DOCK10: variants seen among roughly 807,000 people sequenced by gnomAD.
DOCK10 encodes dedicator of cytokinesis 10.
A neutral mutation model predicts 280.1 loss-of-function variants in DOCK10; 145 were observed. The observed-to-expected ratio is 0.52, with a 90% CI of 0.45 to 0.59. DOCK10 has a LOEUF of 0.59. Ranked by LOEUF, DOCK10 falls within the 20% of genes least tolerant of loss-of-function variation. The pLI is 0.00. For synonymous variants in DOCK10, 915 were observed against 942.2 expected (o/e 0.97, Z 0.53); for missense variants, 2,368 against 2,651.7 (o/e 0.89, Z 2.35).
At chr2:224,937,250 A>G (rs981876733) in intron 1 of DOCK10, among the ~76,000 whole-genome samples, 1 of 152,326 alleles carries the variant, frequency 6.6e-6, no homozygotes, top group African/African-American at 2.4e-5. Flanking sequence ...CGTAACTTTG[A>G]CAAGTCATTT....
At chr2:224,961,287 A>G (rs1469526992) in intron 1 of DOCK10, among the ~76,000 whole-genome samples, 1 of 152,052 alleles carries the variant, frequency 6.6e-6, no homozygotes, top group Non-Finnish European at 1.5e-5. Flanking sequence ...AGCTAAACTG[A>G]CCTTCTCACT....
intron 4 of DOCK10, among the ~76,000 whole-genome samples, chr2:224,886,746 A>C (rs997764833): frequency 6.6e-6 from 1 of 152,140 alleles, no homozygotes; most frequent in Non-Finnish European, 1.5e-5. Context: ...ATTTTAAACC[A>C]TGGAGTTACT....
intron 45 of DOCK10, among the ~76,000 whole-genome samples, chr2:224,794,241 A>T (rs544042518): frequency 7.9e-5 from 12 of 152,354 alleles, no homozygotes; most frequent in African/African-American, 2.9e-4. Flanking sequence ...ATCCTAGACA[A>T]ATTAATCTCT....
intron 1 of DOCK10, among the ~76,000 whole-genome samples, chr2:225,019,154 C>T (rs1365110341): frequency 2.0e-5 from 3 of 151,980 alleles, no homozygotes; most frequent in Non-Finnish European, 4.4e-5. Flanking sequence ...TGGGTTGGGT[C>T]GCAGTGGAGA....
At chr2:224,973,056 A>G (rs1435569075) in intron 1 of DOCK10, among the ~76,000 whole-genome samples, 2 of 152,196 alleles carry the variant, frequency 1.3e-5, no homozygotes, top group East Asian at 1.9e-4. Flanking sequence ...TCTTTTTTCT[A>G]TAACAATTCT....
intron 11 of DOCK10, among the ~76,000 whole-genome samples, chr2:224,865,541 G>A (rs771184548): frequency 6.6e-6 from 1 of 152,100 alleles, no homozygotes; most frequent in Non-Finnish European, 1.5e-5. Flanking sequence ...TTTATTACGT[G>A]TTTGCCACTG....
intron 31 of DOCK10, among the ~76,000 whole-genome samples, chr2:224,812,112 C>T (rs1447368888): frequency 2.6e-5 from 4 of 152,104 alleles, no homozygotes; most frequent in African/African-American, 9.7e-5. Context: ...TTCTTCCTAC[C>T]CATGAGCATG....
At chr2:225,040,711 C>T (rs1690396784) in intron 1 of DOCK10, among the ~76,000 whole-genome samples, 1 of 152,048 alleles carries the variant, frequency 6.6e-6, no homozygotes, top group African/African-American at 2.4e-5. Context: ...TCCAATGAGT[C>T]AATTGCAAAA....
chr2:224,968,956 CAGA>C (rs1259707688), intron 1 of DOCK10, among the ~76,000 whole-genome samples: 1 of 152,178 alleles, frequency 6.6e-6, no homozygotes, highest in African/African-American at 2.4e-5. Context: ...CAAACAGAGG[CAGA>C]AGATTGGGAA....
intron 53 of DOCK10, 53 bp downstream of exon 53, chr2:224,773,104 A>C: frequency 2.0e-6 from 3 of 1,482,706 alleles, no homozygotes; most frequent in African/African-American, 2.8e-5. Context: ...AGGGCATTTT[A>C]CACCTGGTTT....
In DOCK10 at chr2:224,901,822, G is replaced by A. The variant is rs778059910; in HGVS notation, c.334-5445C>T. 8.5e-5 allele frequency among the ~76,000 whole-genome samples: 13 copies of A among 152,354 alleles called. No individual in the cohort carries two copies. The South Asian group carries it at 1.0e-3, about 12-fold the overall frequency. On this transcript the variant is annotated intron_variant, in intron 3 of 55. Coordinates refer to ENST00000258390, the MANE Select transcript of DOCK10 (RefSeq NM_014689.3). The stretch of plus-strand genomic sequence containing the variant: ...GTCCAGTCCTTGTCTGACCATGAAC[G>A]GAGAGCCTTGGGGTCCTAGTTTCAC...
chr2:224,890,795 C>T (rs986150986), intron 4 of DOCK10, among the ~76,000 whole-genome samples: 2 of 152,070 alleles, frequency 1.3e-5, no homozygotes, highest in Non-Finnish European at 2.9e-5. Flanking sequence ...TGGTAGTTAA[C>T]TCTTTGGGGG....
intron 3 of DOCK10, among the ~76,000 whole-genome samples, chr2:224,909,027 C>G (rs1195885058): frequency 6.6e-6 from 1 of 152,192 alleles, no homozygotes; most frequent in East Asian, 1.9e-4. Flanking sequence ...CCTTTGTTCC[C>G]TCTTGAGCCA....
chr2:224,882,791 T>A (rs571932985), intron 7 of DOCK10, among the ~76,000 whole-genome samples: 1 of 152,336 alleles, frequency 6.6e-6, no homozygotes, highest in Non-Finnish European at 1.5e-5. Context: ...ACATGATTCA[T>A]CTTCAGGCAC....
At chr2:224,872,419 CA>C (rs1461560678) in intron 11 of DOCK10, among the ~76,000 whole-genome samples, 3 of 152,144 alleles carry the variant, frequency 2.0e-5, no homozygotes, top group African/African-American at 7.2e-5. Context: ...CCCAGAGTGG[CA>C]CAACTTGTGA....
At chr2:224,826,387 G>A (rs371992054) in intron 27 of DOCK10, among the ~76,000 whole-genome samples, 3 of 152,056 alleles carry the variant, frequency 2.0e-5, no homozygotes, top group African/African-American at 7.2e-5. Context: ...TGGAACTCAC[G>A]CTGGCCAAGT....
rs777466453 is a variant in DOCK10, at chr2:224,805,182, A to G, written c.4051+24T>C. 3 of 1,599,012 alleles carry G rather than the reference A, an allele frequency of 1.9e-6. No homozygotes were observed. The Middle Eastern group carries it at 5.0e-4, about 269-fold the overall frequency. ...GAAGGTTTTCTTTTTCCTTTTTTCA[A>G]AAAAATTAAAGAATTCTCTTTACCG... is the stretch of plus-strand genomic sequence containing the variant. On this transcript the variant is annotated intron_variant, in intron 36 of 55. Transcript: ENST00000258390. The surrounding 1 kb of genome is among the most constrained non-coding windows in gnomAD (Gnocchi z 4.3).
intron 2 of DOCK10, among the ~76,000 whole-genome samples, chr2:224,923,324 G>A (rs1204327366): frequency 1.3e-5 from 2 of 152,136 alleles, no homozygotes; most frequent in African/African-American, 2.4e-5. Context: ...TTTTACTCTT[G>A]GATTGACAAA....
At position 225,042,155 on chromosome 2, in the gene DOCK10, G is replaced by T. The variant is rs1690450394; in HGVS notation, c.123+97C>A. 8.4e-7 allele frequency: 1 copy of T among 1,187,672 alleles called. No homozygotes were observed. Among genetic ancestry groups the T allele is most frequent in the East Asian group, 3.4e-5 (1 of 29,300 alleles). The allele number at this position is 1,187,672 out of a possible 1,614,324, so 73.6% of individuals were successfully genotyped here. On this transcript the variant is annotated intron_variant, in intron 1 of 55. Transcript: ENST00000258390. This position sits in a 1 kb window ranked among gnomAD's most constrained non-coding sequence, Gnocchi z 5.1. ...GCGGAGGAGAGGACCCGTGAGCTGCGGGGACCTGGGCCCGCCGAGCTTTTG... is the reference window on the plus strand; with the variant it reads ...GCGGAGGAGAGGACCCGTGAGCTGCTGGGACCTGGGCCCGCCGAGCTTTTG...
Sources: gnomAD v4.1 joint callset for allele counts (sites outside exome capture counted in the v4.1 genomes callset) on GRCh38, gnomAD v4.1.1 for gene constraint, Gnocchi (gnomAD v3.1) non-coding constraint, MANE v1.5 for transcripts, NCBI Gene and HGNC (gene_info 2026-07-23, HGNC 2026-07-21) for gene names.